Variants in MAGI2 observed in about 807,000 individuals in gnomAD.
The protein encoded by MAGI2 is membrane-associated guanylate kinase, WW and PDZ domain-containing protein 2.
A neutral mutation model predicts 133.3 loss-of-function variants in MAGI2; 35 were observed. That is an observed-to-expected ratio of 0.26 (90% confidence interval 0.20 to 0.35). The LOEUF (loss-of-function observed/expected upper bound fraction) is 0.35. MAGI2 is among the 10% of genes least tolerant of loss of function. The pLI, the probability that MAGI2 is intolerant of heterozygous loss-of-function variation, is 1.00. For missense variants in MAGI2, 1,636 were observed against 1,863.4 expected (o/e 0.88, Z 2.25); for synonymous variants, 729 against 710.6 (o/e 1.03, Z -0.41).
intron 10 of MAGI2, among the ~76,000 whole-genome samples, chr7:78,239,547 CAAAT>C (rs145617002): frequency 0.29 from 44,289 of 151,876 alleles, 7,496 homozygotes; most frequent in Non-Finnish European, 0.37. Context: ...ATAAGGAACT[CAAAT>C]AACTCAATAG....
intron 3 of MAGI2, among the ~76,000 whole-genome samples, chr7:78,523,262 T>C (rs1796663925): frequency 6.6e-6 from 1 of 152,138 alleles, no homozygotes; most frequent in Admixed American, 6.5e-5. Flanking sequence ...TGTTCTGGGC[T>C]GCAAAAAACC....
chr7:78,814,542 C>G (rs549922295), intron 2 of MAGI2, among the ~76,000 whole-genome samples: 1 of 152,006 alleles, frequency 6.6e-6, no homozygotes, highest in East Asian at 1.9e-4. Flanking sequence ...AGTAAATTTA[C>G]GTGAATTACA....
intron 2 of MAGI2, among the ~76,000 whole-genome samples, chr7:78,886,511 C>T (rs1796283111): frequency 6.6e-6 from 1 of 152,148 alleles, no homozygotes; most frequent in African/African-American, 2.4e-5. Context: ...TGAGCCATGT[C>T]TCCACAAATA....
chr7:78,339,780 T>G (rs1045005475), intron 9 of MAGI2, among the ~76,000 whole-genome samples: 14 of 152,204 alleles, frequency 9.2e-5, no homozygotes, highest in African/African-American at 3.4e-4. Context: ...TCTAACTCAC[T>G]CTTGTAGAAA....
At chr7:78,719,829 G>C (rs1229637946) in intron 2 of MAGI2, among the ~76,000 whole-genome samples, 2 of 152,052 alleles carry the variant, frequency 1.3e-5, no homozygotes, top group African/African-American at 4.8e-5. Flanking sequence ...TTTTCTAGAG[G>C]GTAGTTGTTT....
intron 2 of MAGI2, among the ~76,000 whole-genome samples, chr7:78,711,772 T>C (rs771277740): frequency 6.6e-6 from 1 of 152,146 alleles, no homozygotes; most frequent in Non-Finnish European, 1.5e-5. Flanking sequence ...GAAGAGAGCG[T>C]TGATGTTTAA....
chr7:78,390,754 A>G (rs78883177), intron 6 of MAGI2, among the ~76,000 whole-genome samples: 5 of 152,120 alleles, frequency 3.3e-5, no homozygotes, highest in Non-Finnish European at 7.3e-5. Context: ...TACATTTTCC[A>G]TGCCCCTTCC....
chr7:78,244,027 C>T (rs371409162), intron 10 of MAGI2, among the ~76,000 whole-genome samples: 3 of 151,102 alleles, frequency 2.0e-5, no homozygotes, highest in South Asian at 2.1e-4. Flanking sequence ...AGAAAAAGCA[C>T]TAATAAGAAA....
intron 1 of MAGI2, among the ~76,000 whole-genome samples, chr7:79,383,179 C>T (rs1450513461): frequency 6.6e-6 from 1 of 151,550 alleles, no homozygotes; most frequent in Non-Finnish European, 1.5e-5. Context: ...TTCTGTAAAT[C>T]CATTATTTTT....
chr7:78,208,694 T>C (rs74869064), intron 10 of MAGI2, among the ~76,000 whole-genome samples: 2 of 682 alleles, frequency 2.9e-3, no homozygotes, highest in African/African-American at 3.2e-3. Flanking sequence ...TGTATAGCAT[T>C]TTTTTTTTTT....
At chr7:78,191,038 G>A (rs927048702) in intron 12 of MAGI2, among the ~76,000 whole-genome samples, 1 of 152,196 alleles carries the variant, frequency 6.6e-6, no homozygotes, top group African/African-American at 2.4e-5. Context: ...GGTAGAGATG[G>A]AAGTTGGGGA....
intron 1 of MAGI2, among the ~76,000 whole-genome samples, chr7:79,010,739 T>G (rs750408018): frequency 6.6e-6 from 1 of 152,058 alleles, no homozygotes; most frequent in Non-Finnish European, 1.5e-5. Context: ...TTACTTGCCA[T>G]TATATTTGAA....
chr7:79,009,776 T>C (rs1751880710), intron 1 of MAGI2, among the ~76,000 whole-genome samples: 1 of 152,098 alleles, frequency 6.6e-6, no homozygotes, highest in Non-Finnish European at 1.5e-5. Flanking sequence ...ATCTGAGATG[T>C]AGCAGCCATA....
At chr7:78,909,202 CAT>C (rs553171123) in intron 2 of MAGI2, among the ~76,000 whole-genome samples, 453 of 150,984 alleles carry the variant, frequency 3.0e-3, no homozygotes, top group South Asian at 0.014. Context: ...GGCCAACAAA[CAT>C]ATAAAAAGAA....
intron 7 of MAGI2, among the ~76,000 whole-genome samples, chr7:78,365,899 C>T (rs1461981379): frequency 6.6e-6 from 1 of 152,196 alleles, no homozygotes; most frequent in African/African-American, 2.4e-5. Context: ...GTGCTAGAGA[C>T]ATTACACTGA....
chr7:78,310,674 G>T (rs1798627775), intron 9 of MAGI2, among the ~76,000 whole-genome samples: 1 of 152,120 alleles, frequency 6.6e-6, no homozygotes, highest in Admixed American at 6.5e-5. Flanking sequence ...AAATTGAAAA[G>T]TTACCATGAA....
In MAGI2 at chr7:79,429,363, C is replaced by T. The variant is rs549261210; in HGVS notation, c.301+23657G>A. On this transcript the variant is annotated intron_variant, in intron 1 of 21. Coordinates refer to ENST00000354212, the MANE Select transcript of MAGI2 (RefSeq NM_012301.4). ...TGTCACCCAGGCTGGAGTGCAGTGG[C>T]CTGTTCTCAGGTCACTGCAACCTCT... Among the ~76,000 whole-genome samples, 12 of 151,954 alleles carry T rather than the reference C, an allele frequency of 7.9e-5. No homozygotes were observed. The South Asian group carries it at 8.3e-4, about 11-fold the overall frequency.
At chr7:78,895,378 A>T in intron 2 of MAGI2, among the ~76,000 whole-genome samples, 1 of 152,216 alleles carries the variant, frequency 6.6e-6, no homozygotes, top group East Asian at 1.9e-4. Flanking sequence ...ATTCCATTAT[A>T]GCGACAGAAA....
At chr7:78,945,833 CA>C (rs921521077) in intron 2 of MAGI2, among the ~76,000 whole-genome samples, 1 of 152,192 alleles carries the variant, frequency 6.6e-6, no homozygotes, top group Non-Finnish European at 1.5e-5. Context: ...TCTACATCCT[CA>C]AAATCCCAGA....
Sources: allele counts gnomAD v4.1 joint callset (sites outside exome capture counted in the v4.1 genomes callset), GRCh38; gene constraint gnomAD v4.1.1; transcripts MANE v1.5; gene names NCBI Gene and HGNC (gene_info 2026-07-23, HGNC 2026-07-21).